The following ANKIB1 variants were observed in gnomAD, a reference collection of about 807,000 sequenced individuals.
ANKIB1 encodes ankyrin repeat and IBR domain containing 1.
A neutral mutation model predicts 122.1 loss-of-function variants in ANKIB1; 43 were observed. The observed-to-expected ratio is 0.35, with a 90% CI of 0.28 to 0.45. The LOEUF (loss-of-function observed/expected upper bound fraction) is 0.45. ANKIB1 is among the 20% of genes least tolerant of loss of function. The pLI, the probability that ANKIB1 is intolerant of heterozygous loss-of-function variation, is 1.00. For missense variants in ANKIB1, 992 were observed against 1,329.5 expected (o/e 0.75, Z 3.95); for synonymous variants, 390 against 442.0 (o/e 0.88, Z 1.48).
At chr7:92,370,998 T>C (rs1233929282) in intron 10 of ANKIB1, among the ~76,000 whole-genome samples, 1 of 152,228 alleles carries the variant, frequency 6.6e-6, no homozygotes, top group Non-Finnish European at 1.5e-5. Flanking sequence ...AATTTTAAGC[T>C]TATCCAGAAT....
intron 2 of ANKIB1, among the ~76,000 whole-genome samples, chr7:92,301,241 T>G (rs894431233): frequency 2.0e-5 from 3 of 152,220 alleles, no homozygotes; most frequent in Non-Finnish European, 4.4e-5. Context: ...ATGGTAGTTC[T>G]GTTTTTAATG....
At chr7:92,341,822 G>A (rs2131974450) in intron 5 of ANKIB1, among the ~76,000 whole-genome samples, 1 of 152,242 alleles carries the variant, frequency 6.6e-6, no homozygotes, top group Admixed American at 6.5e-5. Flanking sequence ...GAGATGCTGG[G>A]CGACAGTAGT....
At chr7:92,385,686 A>G (rs888629833) in intron 11 of ANKIB1, among the ~76,000 whole-genome samples, 6 of 152,176 alleles carry the variant, frequency 3.9e-5, no homozygotes, top group African/African-American at 1.4e-4. Flanking sequence ...AACAATGAGA[A>G]CACTTGGACA....
chr7:92,392,395 T>A, intron 17 of ANKIB1, 103 bp downstream of exon 17: 2 of 980,038 alleles, frequency 2.0e-6, no homozygotes, highest in South Asian at 2.0e-5. Context: ...TTATCAGCAG[T>A]GCTGTCTCTT....
intron 9 of ANKIB1, among the ~76,000 whole-genome samples, chr7:92,352,903 T>A (rs2131985991): frequency 6.6e-6 from 1 of 152,310 alleles, no homozygotes; most frequent in South Asian, 2.1e-4. Flanking sequence ...ATTTTACAGA[T>A]AAACAAACTC....
intron 4 of ANKIB1, among the ~76,000 whole-genome samples, chr7:92,324,881 T>C (rs1802991396): frequency 6.6e-6 from 1 of 152,228 alleles, no homozygotes; most frequent in Admixed American, 6.5e-5. Context: ...CTGTTTTAGA[T>C]GCTTGGAGGA....
intron 1 of ANKIB1, among the ~76,000 whole-genome samples, chr7:92,268,516 C>T (rs1801719275): frequency 6.6e-6 from 1 of 152,164 alleles, no homozygotes; most frequent in African/African-American, 2.4e-5. Context: ...TCCACTCTGT[C>T]GCCCAGGCTG....
intron 11 of ANKIB1, among the ~76,000 whole-genome samples, chr7:92,375,782 C>T (rs1488742301): frequency 6.6e-6 from 1 of 152,204 alleles, no homozygotes; most frequent in African/African-American, 2.4e-5. Flanking sequence ...TTTCCATTTA[C>T]TCTGCCTAGA....
intron 1 of ANKIB1, among the ~76,000 whole-genome samples, chr7:92,270,038 G>A (rs1184297051): frequency 2.1e-5 from 3 of 142,296 alleles, no homozygotes; most frequent in Non-Finnish European, 3.0e-5. Context: ...TCCCACCTAT[G>A]AGTGAGAACA....
intron 9 of ANKIB1, among the ~76,000 whole-genome samples, chr7:92,359,957 C>T (rs113270132): frequency 0.013 from 1,929 of 152,246 alleles, 26 homozygotes; most frequent in Non-Finnish European, 0.018. Flanking sequence ...TAAGCTACCA[C>T]TAAGTTGCTA....
intron 5 of ANKIB1, among the ~76,000 whole-genome samples, chr7:92,329,183 G>A (rs1803100807): frequency 6.6e-6 from 1 of 151,960 alleles, no homozygotes; most frequent in Admixed American, 6.6e-5. Flanking sequence ...GGCCAGGCTG[G>A]TCTCTAACTC....
In ANKIB1 at chr7:92,346,772, G is replaced by A. The variant is rs182161932; in HGVS notation, c.1085+1706G>A. Among the ~76,000 whole-genome samples the A allele has an allele frequency of 2.4e-3, 359 of 152,252 alleles. 1 individual carries two copies. Among genetic ancestry groups the A allele is most frequent in the African/African-American group, 8.1e-3 (337 of 41,544 alleles). ...TATATGAAAATTGAGTCCCCCAGGG[G>A]ATTTTCTTGAATTTTTTTGAGCTTC... On this transcript the variant is annotated intron_variant, in intron 7 of 19. Transcript: ENST00000265742.
rs1221876900 is a variant in ANKIB1 at position 92,270,062 on chromosome 7, TA to T, written c.-91+23551del. ...TGAGTGAGAACAGTTTCTGGTCTTTTAAAAAAAATTTTTTTTGGAGATAGGG... is the reference window on the plus strand; with the variant it reads ...TGAGTGAGAACAGTTTCTGGTCTTTTAAAAAAATTTTTTTTGGAGATAGGG... On this transcript the variant is annotated intron_variant, in intron 1 of 19. Transcript: ENST00000265742. Among the ~76,000 whole-genome samples, 6 of 151,806 alleles carry T rather than the reference TA, an allele frequency of 4.0e-5. No homozygotes were observed. The East Asian group carries it at 1.2e-3, about 29-fold the overall frequency.
At chr7:92,339,554 T>C (rs1158482948) in intron 5 of ANKIB1, among the ~76,000 whole-genome samples, 2 of 152,206 alleles carry the variant, frequency 1.3e-5, no homozygotes, top group Non-Finnish European at 2.9e-5. Flanking sequence ...TTATATTCAT[T>C]TGTTCGTTCA....
intron 5 of ANKIB1, among the ~76,000 whole-genome samples, chr7:92,341,628 T>C (rs1365457553): frequency 6.6e-6 from 1 of 152,174 alleles, no homozygotes; most frequent in Non-Finnish European, 1.5e-5. Flanking sequence ...TTGGAGAGAT[T>C]TTCCAGTTGA....
intron 11 of ANKIB1, among the ~76,000 whole-genome samples, chr7:92,379,725 A>G (rs1194834265): frequency 6.6e-6 from 1 of 152,194 alleles, no homozygotes; most frequent in African/African-American, 2.4e-5. Context: ...ATAAATGCCA[A>G]ATGACTCAAA....
chr7:92,258,802 T>C (rs1309525880), intron 1 of ANKIB1, among the ~76,000 whole-genome samples: 2 of 152,170 alleles, frequency 1.3e-5, no homozygotes, highest in African/African-American at 4.8e-5. Flanking sequence ...GTAGGTTCTC[T>C]CATCCATCTG....
chr7:92,347,181 G>C (rs571168569), intron 7 of ANKIB1, among the ~76,000 whole-genome samples: 7 of 152,318 alleles, frequency 4.6e-5, no homozygotes, highest in Admixed American at 3.3e-4. Context: ...TTTAGTGCAA[G>C]CTTATCCAAC....
Position 92,246,111 on chromosome 7 carries a change from GGC to G in ANKIB1, c.-497_-496del, listed in dbSNP as rs1800958168. The G allele has an allele frequency of 7.0e-6, 2 of 285,524 alleles. No individual in the cohort carries two copies. The highest frequency in any genetic ancestry group is 1.3e-5 in the Non-Finnish European group (2 of 148,568). 17.7% of individuals were successfully genotyped at this position (285,524 alleles called of 1,614,324 possible). A position where few individuals can be genotyped will look rare whatever the true frequency, so the allele number is the denominator to read the frequency against. On this transcript the variant is annotated 5_prime_UTR_variant, in exon 1 of 20. Coordinates refer to ENST00000265742, the MANE Select transcript of ANKIB1 (RefSeq NM_019004.2). ...CGGCTGAGCCGGAGCCGGAGCCGGA[GGC>G]GGGGGAGGGGAAGAGGGCGGCCGGG...
Sources: allele counts gnomAD v4.1 joint callset (sites outside exome capture counted in the v4.1 genomes callset), GRCh38; gene constraint gnomAD v4.1.1; transcripts MANE v1.5; gene names NCBI Gene and HGNC (gene_info 2026-07-23, HGNC 2026-07-21).